Variants in MAPK4 observed in about 807,000 individuals in gnomAD.
The protein encoded by MAPK4 is Erk3-related.
Under a neutral mutation model 47.7 loss-of-function variants are expected in MAPK4, and 22 were observed. The ratio of observed to expected loss-of-function variants is 0.46; its 90% confidence interval spans 0.33 to 0.66. The LOEUF (loss-of-function observed/expected upper bound fraction) is 0.66. Ranked by LOEUF, MAPK4 falls within the 30% of genes least tolerant of loss-of-function variation. MAPK4 has a pLI of 0.02. For missense variants in MAPK4, 736 were observed against 831.7 expected, an observed-to-expected ratio of 0.88 and a Z score of 1.42; for synonymous variants, 390 against 365.7, an observed-to-expected ratio of 1.07 and a Z score of -0.76.
At chr18:50,634,115 C>G (rs2042857423) in intron 1 of MAPK4, among the ~76,000 whole-genome samples, 1 of 152,106 alleles carries the variant, frequency 6.6e-6, no homozygotes, top group Non-Finnish European at 1.5e-5. Flanking sequence ...CCATTTCTCT[C>G]TTTTCCAAAT....
At chr18:50,715,719 T>C (rs1294153605) in intron 3 of MAPK4, among the ~76,000 whole-genome samples, 5 of 152,234 alleles carry the variant, frequency 3.3e-5, no homozygotes, top group South Asian at 4.1e-4. Flanking sequence ...CTCCTTAATA[T>C]TGGATTTTCT....
intron 1 of MAPK4, among the ~76,000 whole-genome samples, chr18:50,649,695 C>G (rs751727255): frequency 1.1e-4 from 17 of 152,210 alleles, no homozygotes; most frequent in Non-Finnish European, 1.9e-4. Context: ...CTATCAAGTA[C>G]TCTTCCTCCC....
At chr18:50,626,978 G>A (rs1236888091) in intron 1 of MAPK4, among the ~76,000 whole-genome samples, 2 of 152,150 alleles carry the variant, frequency 1.3e-5, no homozygotes, top group African/African-American at 2.4e-5. Context: ...GTTGTCATTA[G>A]GCCTTGTCAC....
chr18:50,704,779 C>T (rs1406296931), intron 2 of MAPK4: 1 of 398,504 alleles, frequency 2.5e-6, no homozygotes, highest in Non-Finnish European at 4.4e-6. Flanking sequence ...TCTGCATCCT[C>T]TTCTGTGGAG....
At chr18:50,614,586 T>C (rs573433542) in intron 1 of MAPK4, among the ~76,000 whole-genome samples, 4 of 152,322 alleles carry the variant, frequency 2.6e-5, no homozygotes, top group African/African-American at 7.2e-5. Context: ...TTCACCTGTA[T>C]CAAAATATCC....
intron 1 of MAPK4, among the ~76,000 whole-genome samples, chr18:50,634,558 G>A (rs2042864537): frequency 6.6e-6 from 1 of 152,074 alleles, no homozygotes; most frequent in African/African-American, 2.4e-5. Flanking sequence ...TCAGTTATTA[G>A]AGCATTACCT....
chr18:50,710,878 G>C (rs1007216007), intron 2 of MAPK4, among the ~76,000 whole-genome samples: 2 of 152,204 alleles, frequency 1.3e-5, no homozygotes, highest in African/African-American at 4.8e-5. Flanking sequence ...AAAGGGTGTA[G>C]TAGAAAGTTT....
intron 1 of MAPK4, among the ~76,000 whole-genome samples, chr18:50,624,828 C>T (rs1341387565): frequency 6.6e-6 from 1 of 151,922 alleles, no homozygotes; most frequent in African/African-American, 2.4e-5. Context: ...GGTATGCCTG[C>T]CTGGTACAGC....
At chr18:50,655,111 C>T (rs141820283) in intron 1 of MAPK4, among the ~76,000 whole-genome samples, 96 of 152,322 alleles carry the variant, frequency 6.3e-4, no homozygotes, top group East Asian at 6.0e-3. Flanking sequence ...TCCCCACAGG[C>T]GTGTTCTTTA....
intron 1 of MAPK4, among the ~76,000 whole-genome samples, chr18:50,635,880 C>T (rs962899515): frequency 1.3e-5 from 2 of 152,200 alleles, no homozygotes; most frequent in Non-Finnish European, 2.9e-5. Flanking sequence ...CAGGATGTGA[C>T]CCCAAAGGCC....
At position 50,566,248 on chromosome 18, in the gene MAPK4, A is replaced by G. The variant is rs1057194953; in HGVS notation, c.-871+6005A>G. 1.1e-4 allele frequency among the ~76,000 whole-genome samples: 17 copies of G among 152,330 alleles called. No homozygotes were observed. In the East Asian group the frequency reaches 3.3e-3, roughly 29 times the overall value. Reference sequence around the variant, plus strand: ...TTTCATTTGTATTTAAACAGGTCTGATTTGTATAAATTTTTCGAGTTGAGA... The same window carrying G: ...TTTCATTTGTATTTAAACAGGTCTGGTTTGTATAAATTTTTCGAGTTGAGA... On this transcript the variant is annotated intron_variant, in intron 1 of 5. Coordinates refer to ENST00000400384, the MANE Select transcript of MAPK4 (RefSeq NM_002747.4).
intron 2 of MAPK4, 25 bp from the exon 3 acceptor site, chr18:50,715,054 T>A: frequency 6.2e-7 from 1 of 1,611,420 alleles, no homozygotes; most frequent in Non-Finnish European, 8.5e-7. Flanking sequence ...GACTGATCAG[T>A]GGAACCAGAA....
intron 1 of MAPK4, among the ~76,000 whole-genome samples, chr18:50,600,689 TTCCTG>T (rs1001504262): frequency 2.2e-4 from 33 of 152,322 alleles, no homozygotes; most frequent in Admixed American, 1.2e-3. Context: ...TAAGTTCAGT[TTCCTG>T]TTACTTGCAG....
Position 50,664,255 on chromosome 18 carries a change from C to T in MAPK4, c.297C>T (p.Ser99=), listed in dbSNP as rs200651462. The change falls in exon 2 of 6, where the codon AGC becomes AGT. Residue 99 remains serine (S), a synonymous_variant. Transcript: ENST00000400384. The surrounding 1 kb of genome is among the most constrained non-coding windows in gnomAD (Gnocchi z 6.0). The stretch of plus-strand genomic sequence containing the variant: ...TGCAGGGTGAGCTGTTCAAGTTCAG[C>T]GTGGCGTACATCGTCCAGGAGTACA... ...TDLQGELFKF[S]VAYIVQEYME... is the part of the protein sequence containing the mutation. 2.5e-5 allele frequency: 41 copies of T among 1,613,862 alleles called. No homozygotes were observed. Among genetic ancestry groups the T allele is most frequent in the African/African-American group, 2.4e-4 (18 of 75,038 alleles).
chr18:50,594,225 C>T (rs1242389324), intron 1 of MAPK4, among the ~76,000 whole-genome samples: 3 of 152,116 alleles, frequency 2.0e-5, no homozygotes, highest in Admixed American at 6.5e-5. Context: ...TGCATGGTGC[C>T]CACCCACACT....
intron 1 of MAPK4, among the ~76,000 whole-genome samples, chr18:50,633,231 T>A (rs1354130304): frequency 6.6e-6 from 1 of 152,184 alleles, no homozygotes; most frequent in Non-Finnish European, 1.5e-5. Flanking sequence ...GTCTAGAGAC[T>A]TTGCGAAGGC....
intron 1 of MAPK4, among the ~76,000 whole-genome samples, chr18:50,595,913 G>A (rs1021775997): frequency 2.6e-5 from 4 of 151,840 alleles, no homozygotes; most frequent in Admixed American, 1.3e-4. Context: ...CTTTTTAGAC[G>A]TGAATTACTG....
chr18:50,566,265 G>A (rs1022145087), intron 1 of MAPK4, among the ~76,000 whole-genome samples: 2 of 152,176 alleles, frequency 1.3e-5, no homozygotes, highest in African/African-American at 2.4e-5. Context: ...TAAATTTTTC[G>A]AGTTGAGACC....
At chr18:50,710,893 G>T (rs548299448) in intron 2 of MAPK4, among the ~76,000 whole-genome samples, 1 of 152,300 alleles carries the variant, frequency 6.6e-6, no homozygotes, top group South Asian at 2.1e-4. Flanking sequence ...AAGTTTATTG[G>T]ATTGAGCCTT....
Sources: gnomAD v4.1 joint callset for allele counts (sites outside exome capture counted in the v4.1 genomes callset) on GRCh38, gnomAD v4.1.1 for gene constraint, Gnocchi (gnomAD v3.1) non-coding constraint, MANE v1.5 for transcripts, NCBI Gene and HGNC (gene_info 2026-07-23, HGNC 2026-07-21) for gene names.